The following SEC24D variants were observed in gnomAD, a reference collection of about 807,000 sequenced individuals.
SEC24D encodes SEC24 homolog D, COPII component, also known as protein transport protein Sec24D.
In SEC24D, 69 loss-of-function variants were observed where a neutral mutation model predicts 116.9. The observed-to-expected ratio is 0.59, with a 90% CI of 0.49 to 0.72. The LOEUF (loss-of-function observed/expected upper bound fraction) is 0.72. Ranked by LOEUF, SEC24D falls within the 30% of genes least tolerant of loss-of-function variation. The pLI is 0.00. For missense variants in SEC24D, 1,131 were observed against 1,264.1 expected (o/e 0.89, Z 1.60); for synonymous variants, 405 against 442.8 (o/e 0.91, Z 1.07).
At chr4:118,749,669 A>G (rs1204722676) in intron 13 of SEC24D, among the ~76,000 whole-genome samples, 3 of 152,042 alleles carry the variant, frequency 2.0e-5, no homozygotes, top group African/African-American at 4.8e-5. Flanking sequence ...TCCCACCCCC[A>G]TTTAAAAAAA....
chr4:118,828,075 C>A (rs1730659359), intron 2 of SEC24D, among the ~76,000 whole-genome samples: 1 of 152,034 alleles, frequency 6.6e-6, no homozygotes, highest in African/African-American at 2.4e-5. Context: ...GCCCTATCAC[C>A]ACCCCACAGC....
chr4:118,813,449 C>G (rs987686238), intron 6 of SEC24D, among the ~76,000 whole-genome samples: 1 of 152,194 alleles, frequency 6.6e-6, no homozygotes, highest in Non-Finnish European at 1.5e-5. Flanking sequence ...TGGTGACAGC[C>G]TTCTTCTGGT....
chr4:118,833,498 A>G (rs1466984465), intron 2 of SEC24D, 81 bp downstream of exon 2: 5 of 955,402 alleles, frequency 5.2e-6, no homozygotes, highest in African/African-American at 1.7e-5. Context: ...CAATGCTTTC[A>G]AATCTCCTCT....
At chr4:118,734,836 C>G (rs1725873885) in intron 19 of SEC24D, among the ~76,000 whole-genome samples, 1 of 152,126 alleles carries the variant, frequency 6.6e-6, no homozygotes, top group Non-Finnish European at 1.5e-5. Flanking sequence ...CATAATATAT[C>G]TTCATTTAAC....
intron 22 of SEC24D, among the ~76,000 whole-genome samples, chr4:118,727,604 G>T (rs1725477437): frequency 1.3e-5 from 2 of 151,702 alleles, no homozygotes; most frequent in Admixed American, 1.3e-4. Context: ...TGAGACTCAA[G>T]ATTTGGTTAC....
At chr4:118,795,226 CAG>C (rs1048043321) in intron 8 of SEC24D, among the ~76,000 whole-genome samples, 8 of 148,190 alleles carry the variant, frequency 5.4e-5, no homozygotes, top group Admixed American at 1.4e-4. Context: ...TTTTTTGAGA[CAG>C]AGTCTCCCTC....
At chr4:118,780,910 T>A (rs919541778) in intron 8 of SEC24D, among the ~76,000 whole-genome samples, 11 of 130,152 alleles carry the variant, frequency 8.5e-5, no homozygotes, top group Admixed American at 6.8e-4. Context: ...ACCCCTGCTT[T>A]TTTTTTTTTT....
chr4:118,827,524 C>T (rs888185001), intron 2 of SEC24D, among the ~76,000 whole-genome samples: 1 of 152,162 alleles, frequency 6.6e-6, no homozygotes, highest in Non-Finnish European at 1.5e-5. Context: ...AATTCCAATC[C>T]CTTTCTGACT....
At chr4:118,802,298 A>G (rs1366662743) in intron 7 of SEC24D, among the ~76,000 whole-genome samples, 4 of 152,214 alleles carry the variant, frequency 2.6e-5, no homozygotes, top group African/African-American at 9.6e-5. Context: ...AGAATATTTT[A>G]AACTTTTCTT....
chr4:118,831,344 G>GT (rs1358720261), intron 2 of SEC24D, among the ~76,000 whole-genome samples: 5 of 151,714 alleles, frequency 3.3e-5, no homozygotes, highest in East Asian at 3.9e-4. Context: ...TTGTTTTTTT[G>GT]TTTTTTTAAT....
intron 15 of SEC24D, among the ~76,000 whole-genome samples, chr4:118,742,499 T>C (rs1225524538): frequency 6.6e-6 from 1 of 152,212 alleles, no homozygotes; most frequent in Non-Finnish European, 1.5e-5. Flanking sequence ...GGGTCAGAAT[T>C]CTGTATGATT....
At chr4:118,741,435 G>T (rs997911950) in intron 15 of SEC24D, among the ~76,000 whole-genome samples, 6 of 152,156 alleles carry the variant, frequency 3.9e-5, no homozygotes, top group Non-Finnish European at 8.8e-5. Context: ...ACCACATTCA[G>T]AGCTTTGTGA....
intron 8 of SEC24D, among the ~76,000 whole-genome samples, chr4:118,770,869 A>G (rs1347776396): frequency 6.6e-6 from 1 of 152,204 alleles, no homozygotes; most frequent in African/African-American, 2.4e-5. Flanking sequence ...ATACACTTAC[A>G]GTTTTTTCAA....
At chr4:118,795,954 C>G (rs1289475419) in intron 8 of SEC24D, among the ~76,000 whole-genome samples, 1 of 151,376 alleles carries the variant, frequency 6.6e-6, no homozygotes, top group Non-Finnish European at 1.5e-5. Context: ...AATCCGTAAG[C>G]AAATTTTGAA....
intron 17 of SEC24D, among the ~76,000 whole-genome samples, chr4:118,739,702 G>A (rs914470887): frequency 2.6e-5 from 4 of 152,188 alleles, no homozygotes; most frequent in Non-Finnish European, 5.9e-5. Context: ...TAGGTCTTAT[G>A]CTGATGATAT....
At chr4:118,752,640 G>A (rs1726896992) in intron 12 of SEC24D, 57 bp downstream of exon 12, 4 of 1,190,200 alleles carry the variant, frequency 3.4e-6, no homozygotes, top group Non-Finnish European at 4.8e-6. Flanking sequence ...AAAACACAGT[G>A]CAATTAAAGA....
At chr4:118,835,549 G>A (rs186361211) in intron 1 of SEC24D, among the ~76,000 whole-genome samples, 4 of 152,304 alleles carry the variant, frequency 2.6e-5, no homozygotes, top group African/African-American at 9.6e-5. Flanking sequence ...GAGGCTTCAA[G>A]ATATAGTTGC....
intron 15 of SEC24D, among the ~76,000 whole-genome samples, chr4:118,742,633 T>C (rs1423311231): frequency 6.6e-6 from 1 of 152,248 alleles, no homozygotes; most frequent in Non-Finnish European, 1.5e-5. Context: ...TCAAGTCCCT[T>C]AGTTTATAAA....
intron 8 of SEC24D, among the ~76,000 whole-genome samples, chr4:118,778,269 G>A (rs1435042999): frequency 1.3e-5 from 2 of 152,150 alleles, no homozygotes; most frequent in Non-Finnish European, 2.9e-5. Context: ...AATCCATCTT[G>A]TATTAATTTT....
Sources: allele counts gnomAD v4.1 joint callset (sites outside exome capture counted in the v4.1 genomes callset), GRCh38; gene constraint gnomAD v4.1.1; transcripts MANE v1.5; gene names NCBI Gene and HGNC (gene_info 2026-07-23, HGNC 2026-07-21).